Variants in URB1 observed in about 807,000 individuals in gnomAD.
URB1 encodes nucleolar pre-ribosomal-associated protein 1.
Under a neutral mutation model 242.3 loss-of-function variants are expected in URB1, and 197 were observed. That is an observed-to-expected ratio of 0.81 (90% CI 0.72 to 0.91). The LOEUF is 0.91. Among genes scored for constraint, URB1 ranks in the 40% least tolerant of loss-of-function variants. The pLI is 0.00. For synonymous variants in URB1, 1,153 were observed against 1,201.8 expected, an observed-to-expected ratio of 0.96 and a Z score of 0.84; for missense variants, 2,721 against 2,860.5, an observed-to-expected ratio of 0.95 and a Z score of 1.11.
intron 4 of URB1, among the ~76,000 whole-genome samples, chr21:32,383,102 G>A (rs2033544632): frequency 6.6e-6 from 1 of 152,212 alleles, no homozygotes; most frequent in Non-Finnish European, 1.5e-5. Flanking sequence ...GGCACATGGA[G>A]GGTATTTCAT....
At position 32,366,745 on chromosome 21, in the gene URB1, G is replaced by A. The variant is rs576046243; in HGVS notation, c.1208C>T (p.Ala403Val). The change falls in exon 10 of 39, where the codon GCT (alanine) becomes GTT (valine). Residue 403 changes from alanine (A) to valine (V), a missense_variant. Coordinates refer to ENST00000382751, the MANE Select transcript of URB1 (RefSeq NM_014825.3). ...AAATGCCCGGGAAATCTCCGGCTGA[G>A]CCTCATAGATCTAGGAAAAGCAAAA... The part of the protein sequence containing the change: ...NIKLLNKIYE[A>V]QPEISRAFQT... 2 of 1,551,434 alleles carry A rather than the reference G, an allele frequency of 1.3e-6. No individual in the cohort carries two copies. Among genetic ancestry groups the A allele is most frequent in the Non-Finnish European group, 8.7e-7 (1 of 1,146,916 alleles).
At chr21:32,319,129 T>G in intron 36 of URB1, 88 bp downstream of exon 36, 1 of 1,349,796 alleles carries the variant, frequency 7.4e-7, no homozygotes, top group Non-Finnish European at 1.0e-6. Context: ...TGGTACAGAG[T>G]CATGACTGAG....
intron 14 of URB1, among the ~76,000 whole-genome samples, chr21:32,359,558 A>T (rs1347048923): frequency 1.3e-5 from 2 of 152,262 alleles, no homozygotes; most frequent in Non-Finnish European, 2.9e-5. Flanking sequence ...CCCTGGACCC[A>T]GCAATGTATC....
At chr21:32,374,924 G>C (rs565244460) in intron 6 of URB1, among the ~76,000 whole-genome samples, 1 of 152,284 alleles carries the variant, frequency 6.6e-6, no homozygotes, top group South Asian at 2.1e-4. Context: ...TGTCATGTTG[G>C]GAGGGTCATA....
At chr21:32,338,203 T>C (rs1048692818) in intron 26 of URB1, among the ~76,000 whole-genome samples, 3 of 152,194 alleles carry the variant, frequency 2.0e-5, no homozygotes, top group Non-Finnish European at 4.4e-5. Flanking sequence ...TTCTCTGACA[T>C]CCGACCTGTG....
At chr21:32,319,029 A>C (rs1333506555) in intron 36 of URB1, among the ~76,000 whole-genome samples, 188 bp downstream of exon 36, 2 of 152,220 alleles carry the variant, frequency 1.3e-5, no homozygotes, top group Non-Finnish European at 2.9e-5. Flanking sequence ...GGGCAAAGAA[A>C]GAGCTAATAA....
chr21:32,317,111 G>T, intron 37 of URB1, 46 bp from the exon 38 acceptor site: 1 of 1,469,680 alleles, frequency 6.8e-7, no homozygotes, highest in East Asian at 2.5e-5. Context: ...GGTCCCTCCT[G>T]CCCACACAGA....
intron 37 of URB1, 142 bp downstream of exon 37, chr21:32,317,534 A>G: frequency 7.7e-7 from 1 of 1,304,614 alleles, no homozygotes; most frequent in Non-Finnish European, 1.0e-6. Context: ...CTCCCCATCC[A>G]GGGCTCCAAG....
intron 4 of URB1, 99 bp from the exon 5 acceptor site, chr21:32,378,640 T>A (rs2033487158): frequency 1.1e-6 from 1 of 931,966 alleles, no homozygotes; most frequent in African/African-American, 1.6e-5. Flanking sequence ...CGTCTCAACA[T>A]CACCAGCCCC....
chr21:32,356,811 C>T (rs1887322381), intron 15 of URB1, among the ~76,000 whole-genome samples: 1 of 152,210 alleles, frequency 6.6e-6, no homozygotes, highest in African/African-American at 2.4e-5. Context: ...GCCAATTTCA[C>T]CTATTTGCAG....
At chr21:32,330,128 G>GCCT (rs954798743) in intron 30 of URB1, among the ~76,000 whole-genome samples, 8 of 151,454 alleles carry the variant, frequency 5.3e-5, no homozygotes, top group African/African-American at 1.9e-4. Flanking sequence ...TAAAAACCAG[G>GCCT]CCTCCATCTT....
intron 34 of URB1, 79 bp downstream of exon 34, chr21:32,321,722 A>T: frequency 7.9e-6 from 12 of 1,527,428 alleles, no homozygotes; most frequent in Non-Finnish European, 1.1e-5. Flanking sequence ...CTGAATTCAT[A>T]CGGACTTGAC....
Position 32,359,901 on chromosome 21 carries a change from G to A in URB1, c.1764C>T (p.Ile588=), listed in dbSNP as rs1003444860. 5.8e-6 allele frequency: 9 copies of A among 1,549,416 alleles called. No individual in the cohort carries two copies. The East Asian group carries it at 7.3e-5, about 13-fold the overall frequency. The change falls in exon 14 of 39, where the codon ATC becomes ATT. Residue 588 remains isoleucine, a synonymous_variant. Coordinates refer to ENST00000382751, the MANE Select transcript of URB1 (RefSeq NM_014825.3). ...FDFSKLLKGV[I]SEQGLREEVP... ...CCTCCTCTCGAAGGCCCTGCTCAGA[G>A]ATGACACCTATGGGTGAAAAAGAGG...
Position 32,314,958 on chromosome 21 carries a change from AC to A in URB1, c.6775del (p.Val2259CysfsTer64). On this transcript the variant is annotated frameshift_variant, in exon 39 of 39. Transcript: ENST00000382751. LOFTEE classifies it low-confidence loss of function (END_TRUNC). ...TGCGCTGGCGGCGTCCTTGCAGAGC[AC>A]CACGATGGCCTCCTCTTCACTGCTC... ...APSSEEEAIV[V>X]LCKDAASAAS... 1 of 1,551,646 alleles carries A rather than the reference AC, an allele frequency of 6.4e-7. No individual in the cohort carries two copies. Among genetic ancestry groups the A allele is most frequent in the South Asian group, 1.2e-5 (1 of 84,058 alleles).
intron 21 of URB1, 89 bp downstream of exon 21, chr21:32,349,215 T>A: frequency 7.1e-7 from 1 of 1,413,468 alleles, no homozygotes; most frequent in Non-Finnish European, 9.3e-7. Context: ...TTTCCCACAA[T>A]GGACCTATGT....
chr21:32,363,236 C>G lies in URB1; in HGVS notation c.1429G>C (p.Glu477Gln). ...LKTVDHCLNK[E>Q]VWQESGVYTA... ...TACACGCCTGATTCCTGCCACACCT[C>G]TTTATTCAGGCAGTGGTCAACAGTT... The change falls in exon 11 of 39, where the codon GAG becomes CAG. Residue 477 changes from glutamate to glutamine, a missense_variant. Transcript: ENST00000382751. 1 of 1,552,126 alleles carries G rather than the reference C, an allele frequency of 6.4e-7. No individual in the cohort carries two copies.
chr21:32,340,377 C>T (rs973043601), intron 25 of URB1, among the ~76,000 whole-genome samples: 1 of 152,100 alleles, frequency 6.6e-6, no homozygotes, highest in Non-Finnish European at 1.5e-5. Context: ...TTTGGGAGGC[C>T]GAGGCAGGTG....
At position 32,311,558 on chromosome 21, in the gene URB1, T is replaced by G; in HGVS notation, c.*3360A>C. Reference sequence around the variant, plus strand: ...AGCTGGCTGACCCTTCTCAGGAATTTGCCTGTGTGGCCTTCCCTATGGGGT... The same window carrying G: ...AGCTGGCTGACCCTTCTCAGGAATTGGCCTGTGTGGCCTTCCCTATGGGGT... On this transcript the variant is annotated 3_prime_UTR_variant, in exon 39 of 39. Coordinates refer to ENST00000382751, the MANE Select transcript of URB1 (RefSeq NM_014825.3). 7.2e-7 allele frequency: 1 copy of G among 1,379,618 alleles called. No homozygotes were observed. The highest frequency in any genetic ancestry group is 9.8e-7 in the Non-Finnish European group (1 of 1,019,802). 85.5% of individuals were successfully genotyped at this position (1,379,618 alleles called of 1,614,324 possible).
chr21:32,361,201 A>AAGAAAGAAAGAAAGAC, intron 12 of URB1, 78 bp from the exon 13 acceptor site: 1 of 937,022 alleles, frequency 1.1e-6, no homozygotes, highest in Non-Finnish European at 1.5e-6. Context: ...GAAAGAAAGA[A>AAGAAAGAAAGAAAGAC]AGAAAATAGC....
Sources: gnomAD v4.1 joint callset for allele counts (sites outside exome capture counted in the v4.1 genomes callset) on GRCh38, gnomAD v4.1.1 for gene constraint, MANE v1.5 for transcripts, NCBI Gene and HGNC (gene_info 2026-07-23, HGNC 2026-07-21) for gene names.